The following SYCE1 variants were observed in gnomAD, a reference collection of about 807,000 sequenced individuals.
SYCE1 encodes synaptonemal complex central element protein 1.
In SYCE1, 37 loss-of-function variants were observed where a neutral mutation model predicts 55.1. The observed-to-expected ratio is 0.67, with a 90% CI of 0.52 to 0.88. The LOEUF is 0.88. SYCE1 is among the 40% of genes least tolerant of loss of function. SYCE1 has a pLI of 0.00. For missense variants in SYCE1, 399 were observed against 416.4 expected (o/e 0.96, Z 0.36); for synonymous variants, 163 against 159.4 (o/e 1.02, Z -0.17).
chr10:133,556,546 A>G (rs985059856), intron 8 of SYCE1: 1 of 610,602 alleles, frequency 1.6e-6, no homozygotes, highest in East Asian at 2.8e-5. Context: ...GTGATGGAAG[A>G]CTTGACCTTG....
intron 8 of SYCE1, 151 bp downstream of exon 8, chr10:133,556,608 A>G: frequency 1.3e-6 from 1 of 770,736 alleles, no homozygotes; most frequent in Non-Finnish European, 2.2e-6. Context: ...CAAGGAGGTG[A>G]CAAGGGACTG....
At position 133,565,494 on chromosome 10, in the gene SYCE1, G is replaced by C. The variant is rs1198246057; in HGVS notation, c.36C>G (p.Pro12=). The change falls in exon 1 of 13, where the codon CCC becomes CCG. Residue 12 remains proline (P), a synonymous_variant. Transcript: ENST00000343131. ...CAGCCCTGTCCACGGCTCCTGCGGT[G>C]GGCTCGGCCTTCGATGTCAGGGACC... ...AGRSLTSKAE[P]TAGAVDRAEK... is the part of the protein sequence containing the mutation. The C allele has an allele frequency of 6.5e-7, 1 of 1,550,178 alleles. No homozygotes were observed. Among genetic ancestry groups the C allele is most frequent in the South Asian group, 1.2e-5 (1 of 83,910 alleles).
At chr10:133,556,737 G>T (rs750512013) in intron 8 of SYCE1, 22 bp downstream of exon 8, 14 of 1,555,260 alleles carry the variant, frequency 9.0e-6, no homozygotes, top group South Asian at 1.2e-5. Flanking sequence ...GGAAGGGGGA[G>T]GAGTGGCTTT....
chr10:133,557,588 C>T, intron 6 of SYCE1: 1 of 546,182 alleles, frequency 1.8e-6, no homozygotes, highest in Non-Finnish European at 3.3e-6. Flanking sequence ...AGTGAATAGA[C>T]ATCCAAGGAG....
At chr10:133,567,569 C>T (rs1164654371), upstream of SYCE1, among the ~76,000 whole-genome samples, 1 of 152,006 alleles carries the variant, frequency 6.6e-6, no homozygotes, top group Non-Finnish European at 1.5e-5. Flanking sequence ...AACGTTTTCC[C>T]CTTACTTCCC....
upstream of SYCE1, chr10:133,568,059 G>C (rs1242354980): frequency 3.1e-6 from 2 of 639,660 alleles, no homozygotes; most frequent in Non-Finnish European, 5.7e-6. Flanking sequence ...GGTGCGGCCC[G>C]GGGGCCAGAT....
In SYCE1 at chr10:133,554,985, A is replaced by AGCTGAGACGG. The variant is rs3831169; in HGVS notation, c.*6_*7insCCGTCTCAGC. The stretch of plus-strand genomic sequence containing the variant: ...ACCCCTACTCCTCACCAGTAGACTT[A>AGCTGAGACGG]GCTGTATCAAAATAGCTCCTTTATT... On this transcript the variant is annotated 3_prime_UTR_variant, in exon 13 of 13. Coordinates refer to ENST00000343131, the MANE Select transcript of SYCE1 (RefSeq NM_001143764.3). 0.1 allele frequency: 160,143 copies of AGCTGAGACGG among 1,528,486 alleles called. 10,144 individuals carry two copies. Among genetic ancestry groups the AGCTGAGACGG allele is most frequent in the East Asian group, 0.27 (10,835 of 40,702 alleles). 94.7% of individuals were successfully genotyped at this position (1,528,486 alleles called of 1,614,324 possible).
upstream of SYCE1, chr10:133,567,762 G>A (rs1250514234): frequency 4.2e-5 from 11 of 261,816 alleles, no homozygotes; most frequent in African/African-American, 1.4e-4. Context: ...CCCTTTGGGC[G>A]GCTCTGGAGT....
intron 6 of SYCE1, 119 bp from the exon 7 acceptor site, chr10:133,557,275 T>A (rs559580460): frequency 1.3e-6 from 1 of 787,502 alleles, no homozygotes; most frequent in African/African-American, 1.7e-5. Context: ...GGTCCTTCTC[T>A]GTAACATGTG....
Position 133,555,366 on chromosome 10 carries a change from A to G in SYCE1, c.903T>C (p.Ala301=). The change falls in exon 12 of 13, where the codon GCT becomes GCC. Residue 301 remains alanine, a synonymous_variant. Coordinates refer to ENST00000343131, the MANE Select transcript of SYCE1 (RefSeq NM_001143764.3). ...AQAQSTQEEE[A]GPGDVASPKP... is the part of the protein sequence containing the mutation. ...TGGGGCTTACCACATCTCCTGGGCCAGCCTCTTCCTCTTGTGTGCTCTGGG... is the reference window on the plus strand; with the variant it reads ...TGGGGCTTACCACATCTCCTGGGCCGGCCTCTTCCTCTTGTGTGCTCTGGG... 1 of 1,613,978 alleles carries G rather than the reference A, an allele frequency of 6.2e-7. No homozygotes were observed. Among genetic ancestry groups the G allele is most frequent in the Non-Finnish European group, 8.5e-7 (1 of 1,179,944 alleles).
At chr10:133,564,364 T>C in intron 1 of SYCE1, 3 of 983,746 alleles carry the variant, frequency 3.0e-6, no homozygotes, top group Non-Finnish European at 3.6e-6. Flanking sequence ...TGTAGCAGTT[T>C]GAACTAAGGC....
chr10:133,562,261 A>ATGTGTGTGTGTG (rs59050384), intron 1 of SYCE1, among the ~76,000 whole-genome samples: 1 of 143,006 alleles, frequency 7.0e-6, no homozygotes, highest in African/African-American at 2.6e-5. Flanking sequence ...CTAACATCCA[A>ATGTGTGTGTGTG]TGTGTGTGTG....
chr10:133,565,670 C>G, upstream of SYCE1: 4 of 800,070 alleles, frequency 5.0e-6, no homozygotes, highest in East Asian at 3.1e-5. Context: ...AGGTAATTCT[C>G]CGGCAGGCCT....
downstream of SYCE1, chr10:133,554,803 C>G: frequency 6.8e-7 from 1 of 1,467,368 alleles, no homozygotes; most frequent in Non-Finnish European, 9.0e-7. Context: ...CCTGCGGACC[C>G]AGAAGAAGCT....
At chr10:133,563,201 G>T (rs1429770508) in intron 1 of SYCE1, among the ~76,000 whole-genome samples, 1 of 152,100 alleles carries the variant, frequency 6.6e-6, no homozygotes, top group African/African-American at 2.4e-5. Context: ...CAAAAGTTTG[G>T]GTGCATCTTA....
chr10:133,558,350 C>T (rs1589967317), intron 4 of SYCE1, 136 bp from the exon 5 acceptor site: 1 of 941,256 alleles, frequency 1.1e-6, no homozygotes, highest in East Asian at 2.4e-5. Context: ...GTGAGCCCCT[C>T]CCTACCCTCT....
At chr10:133,562,574 G>A (rs1851841444) in intron 1 of SYCE1, among the ~76,000 whole-genome samples, 1 of 152,090 alleles carries the variant, frequency 6.6e-6, no homozygotes. Context: ...ATCCCCAAGA[G>A]TGTAAACACA....
intron 4 of SYCE1, chr10:133,558,628 A>G: frequency 3.6e-6 from 2 of 548,530 alleles, no homozygotes; most frequent in Non-Finnish European, 6.4e-6. Context: ...TGATGTGAGG[A>G]AAGAGGAACC....
In SYCE1 at chr10:133,555,136, G is replaced by A. The variant is rs9629998; in HGVS notation, c.919-7C>T. 3,757 of 1,544,530 alleles carry A rather than the reference G, an allele frequency of 2.4e-3. No individual in the cohort carries two copies. The African/African-American group carries it at 0.045, about 18-fold the overall frequency. ...TTAGGGGCTTGGGACTGGCCTGCAG[G>A]AGGTTAGTGTCCAGGGTGGGAATTT... On this transcript the variant is annotated splice_region_variant and splice_polypyrimidine_tract_variant and intron_variant, in intron 12 of 12. Coordinates refer to ENST00000343131, the MANE Select transcript of SYCE1 (RefSeq NM_001143764.3).
Sources: gnomAD v4.1 joint callset for allele counts (sites outside exome capture counted in the v4.1 genomes callset) on GRCh38, gnomAD v4.1.1 for gene constraint, MANE v1.5 for transcripts, NCBI Gene and HGNC (gene_info 2026-07-23, HGNC 2026-07-21) for gene names.